The following GPM6A variants were observed in gnomAD, a reference collection of about 807,000 sequenced individuals.
The protein encoded by GPM6A is glycoprotein M6A.
In GPM6A, 7 loss-of-function variants were observed where a neutral mutation model predicts 32.1. The ratio of observed to expected loss-of-function variants is 0.22; its 90% CI spans 0.12 to 0.41. The LOEUF is 0.41. GPM6A is among the 10% of genes least tolerant of loss of function. The probability of loss-of-function intolerance (pLI) is 1.00; values close to 1 mark genes in which losing one functional copy is unlikely to be tolerated. For missense variants in GPM6A, 235 were observed against 347.2 expected (o/e 0.68, Z 2.57); for synonymous variants, 130 against 123.4 (o/e 1.05, Z -0.35).
intron 1 of GPM6A, among the ~76,000 whole-genome samples, chr4:175,997,112 C>T (rs181699520): frequency 5.8e-4 from 89 of 152,238 alleles, no homozygotes; most frequent in African/African-American, 2.0e-3. Flanking sequence ...GACGACCAGT[C>T]CAATCCTGTC....
At chr4:175,965,296 G>C (rs1740299416) in intron 1 of GPM6A, among the ~76,000 whole-genome samples, 1 of 151,634 alleles carries the variant, frequency 6.6e-6, no homozygotes, top group Admixed American at 6.6e-5. Context: ...TTGGTACTTA[G>C]ACAAAAATTT....
chr4:175,738,051 C>A (rs1328611262), intron 1 of GPM6A, among the ~76,000 whole-genome samples: 1 of 151,992 alleles, frequency 6.6e-6, no homozygotes, highest in Non-Finnish European at 1.5e-5. Context: ...GATTCTCCTG[C>A]CTCAGCCTCC....
intron 1 of GPM6A, among the ~76,000 whole-genome samples, chr4:175,755,207 T>C (rs56130421): frequency 0.14 from 21,406 of 152,008 alleles, 1,741 homozygotes; most frequent in East Asian, 0.34. Flanking sequence ...AGAATAATAA[T>C]AATGTAGAAA....
chr4:175,752,347 G>A (rs1289843683), intron 1 of GPM6A, among the ~76,000 whole-genome samples: 5 of 152,088 alleles, frequency 3.3e-5, no homozygotes, highest in African/African-American at 1.2e-4. Flanking sequence ...CTGGTGGACA[G>A]CACACTAAAC....
chr4:175,756,203 G>A (rs1044513781), intron 1 of GPM6A, among the ~76,000 whole-genome samples: 1 of 152,086 alleles, frequency 6.6e-6, no homozygotes, highest in African/African-American at 2.4e-5. Context: ...ATGTTGCAAG[G>A]TAGTAAGGAG....
At chr4:175,833,017 T>G (rs1460488789) in intron 1 of GPM6A, among the ~76,000 whole-genome samples, 2 of 152,128 alleles carry the variant, frequency 1.3e-5, no homozygotes, top group Admixed American at 1.3e-4. Context: ...GCTTCGTACC[T>G]CAAAGCAACA....
chr4:175,673,059 T>C (rs1167311060), intron 3 of GPM6A, among the ~76,000 whole-genome samples: 1 of 152,110 alleles, frequency 6.6e-6, no homozygotes, highest in Non-Finnish European at 1.5e-5. Context: ...AGCTTCAACA[T>C]TTCATTCTAG....
chr4:175,822,823 C>T (rs1404737691), intron 1 of GPM6A, among the ~76,000 whole-genome samples: 1 of 152,148 alleles, frequency 6.6e-6, no homozygotes, highest in Non-Finnish European at 1.5e-5. Flanking sequence ...TGTTCTCCCT[C>T]CCCTTGCCCC....
intron 1 of GPM6A, among the ~76,000 whole-genome samples, chr4:175,821,661 C>G (rs565342989): frequency 6.6e-6 from 1 of 151,796 alleles, no homozygotes; most frequent in Non-Finnish European, 1.5e-5. Context: ...TCCCTAGGAG[C>G]TTTGCATATT....
At chr4:175,910,568 T>C (rs1738283324) in intron 1 of GPM6A, among the ~76,000 whole-genome samples, 1 of 152,138 alleles carries the variant, frequency 6.6e-6, no homozygotes, top group Non-Finnish European at 1.5e-5. Flanking sequence ...ACATGGAATA[T>C]ATATAAAGCA....
At chr4:175,640,529 G>A (rs937631275) in intron 5 of GPM6A, among the ~76,000 whole-genome samples, 45 of 152,054 alleles carry the variant, frequency 3.0e-4, no homozygotes, top group African/African-American at 9.4e-4. Context: ...ATTAAAATGA[G>A]TTTCCAGAAA....
intron 1 of GPM6A, among the ~76,000 whole-genome samples, chr4:175,803,242 G>T (rs974696965): frequency 2.6e-5 from 4 of 151,762 alleles, no homozygotes; most frequent in Non-Finnish European, 2.9e-5. Context: ...CACTTTGCAG[G>T]TTGGGTTCAT....
At chr4:175,794,017 T>C (rs1048417765) in intron 1 of GPM6A, among the ~76,000 whole-genome samples, 2 of 152,204 alleles carry the variant, frequency 1.3e-5, no homozygotes. Context: ...CTTTTTAACC[T>C]TTGTCAATTT....
At chr4:175,774,515 CA>C (rs1733317317) in intron 1 of GPM6A, among the ~76,000 whole-genome samples, 3 of 151,958 alleles carry the variant, frequency 2.0e-5, no homozygotes, top group African/African-American at 4.8e-5. Context: ...CTCTGTTTTA[CA>C]AAAAACTTCC....
intron 1 of GPM6A, chr4:175,806,814 G>A (rs1734714811): frequency 1.3e-5 from 2 of 152,178 alleles, no homozygotes; most frequent in African/African-American, 4.8e-5. Context: ...AATCTTAGGA[G>A]AGATTTTTCC....
intron 4 of GPM6A, among the ~76,000 whole-genome samples, chr4:175,649,024 A>T (rs1480936267): frequency 6.6e-6 from 1 of 152,214 alleles, no homozygotes; most frequent in Non-Finnish European, 1.5e-5. Context: ...ATTATAGTTG[A>T]AAAAAGCTCT....
At chr4:175,974,475 C>T (rs1239051806) in intron 1 of GPM6A, among the ~76,000 whole-genome samples, 3 of 152,080 alleles carry the variant, frequency 2.0e-5, no homozygotes, top group Non-Finnish European at 4.4e-5. Flanking sequence ...CCAGCCTCAG[C>T]CTCCTGAGTA....
chr4:175,844,067 G>C (rs1736019236), intron 1 of GPM6A, among the ~76,000 whole-genome samples: 1 of 152,114 alleles, frequency 6.6e-6, no homozygotes, highest in South Asian at 2.1e-4. Flanking sequence ...CTCATCCACT[G>C]ACCACATCAC....
chr4:175,940,387 AG>A (rs1739368692), intron 1 of GPM6A, among the ~76,000 whole-genome samples: 2 of 152,296 alleles, frequency 1.3e-5, no homozygotes, highest in Admixed American at 1.3e-4. Context: ...TATTTTACTT[AG>A]GCAGAAAGAT....
Sources: gnomAD v4.1 joint callset for allele counts (sites outside exome capture counted in the v4.1 genomes callset) on GRCh38, gnomAD v4.1.1 for gene constraint, MANE v1.5 for transcripts, NCBI Gene and HGNC (gene_info 2026-07-23, HGNC 2026-07-21) for gene names.